Variants in TPRG1 observed in about 807,000 individuals in gnomAD.
TPRG1 encodes the protein tumor protein p63-regulated gene 1 protein.
In TPRG1, 29 loss-of-function variants were observed where a neutral mutation model predicts 29.3. That is an observed-to-expected ratio of 0.99 (90% confidence interval 0.74 to 1.35). TPRG1 has a LOEUF of 1.35. TPRG1 is among the 40% of genes most tolerant of loss of function. The probability of loss-of-function intolerance (pLI) is 0.00; values close to 1 mark genes in which losing one functional copy is unlikely to be tolerated. For missense variants in TPRG1, 327 were observed against 335.0 expected (o/e 0.98, Z 0.19); for synonymous variants, 130 against 116.8 (o/e 1.11, Z -0.73).
At chr3:189,006,461 A>G (rs989776809) in intron 3 of TPRG1, among the ~76,000 whole-genome samples, 3 of 152,170 alleles carry the variant, frequency 2.0e-5, no homozygotes, top group African/African-American at 7.2e-5. Flanking sequence ...CAGAACAGTA[A>G]TAAACATTTG....
intron 5 of TPRG1, among the ~76,000 whole-genome samples, chr3:189,155,033 C>G (rs1560495128): frequency 1.3e-5 from 2 of 152,148 alleles, no homozygotes; most frequent in South Asian, 2.1e-4. Context: ...GCAGAGCGAA[C>G]AGCAGGTGCA....
At chr3:189,281,821 C>A (rs1365486622) in intron 4 of TPRG1, among the ~76,000 whole-genome samples, 1 of 152,094 alleles carries the variant, frequency 6.6e-6, no homozygotes, top group Non-Finnish European at 1.5e-5. Context: ...TCTTTTACTC[C>A]AAGGTCTAAA....
chr3:189,213,817 TA>T (rs1395290488), intron 2 of TPRG1, among the ~76,000 whole-genome samples: 1 of 152,192 alleles, frequency 6.6e-6, no homozygotes, highest in Non-Finnish European at 1.5e-5. Flanking sequence ...TTTCATTTGA[TA>T]ATACCTTTAA....
chr3:189,270,193 GA>G (rs558585437), intron 4 of TPRG1, among the ~76,000 whole-genome samples: 233 of 135,496 alleles, frequency 1.7e-3, no homozygotes, highest in East Asian at 2.1e-3. Context: ...GCTGAAGAGA[GA>G]AAAAAAAAAA....
intron 3 of TPRG1, chr3:189,219,669 AC>A (rs1184573836): frequency 7.8e-7 from 1 of 1,283,496 alleles, no homozygotes; most frequent in East Asian, 5.6e-5. Flanking sequence ...AGCAGAATGT[AC>A]TTGAGGTGTC....
chr3:189,251,581 T>C (rs1742269747), intron 4 of TPRG1, among the ~76,000 whole-genome samples: 1 of 152,180 alleles, frequency 6.6e-6, no homozygotes, highest in Non-Finnish European at 1.5e-5. Context: ...GAGGGGGATG[T>C]GGCAGGATCA....
chr3:189,207,453 C>G lies in TPRG1; in HGVS notation c.69C>G (p.Pro23=), dbSNP rs1328250091. 2 of 1,613,990 alleles carry G rather than the reference C, an allele frequency of 1.2e-6. No homozygotes were observed. Among genetic ancestry groups the G allele is most frequent in the Non-Finnish European group, 1.7e-6 (2 of 1,179,972 alleles). ...VSLKQEGDDQ[P]SETDHLSMEE... ...TGAAGCAAGAGGGAGATGACCAACC[C>G]TCTGAGACTGACCACCTATCGATGG... The change falls in exon 2 of 6, where the codon CCC becomes CCG. Residue 23 remains proline (P), a synonymous_variant. Coordinates refer to ENST00000345063, the MANE Select transcript of TPRG1 (RefSeq NM_198485.4).
At chr3:189,196,243 A>G (rs1426774691) in intron 1 of TPRG1, among the ~76,000 whole-genome samples, 5 of 152,332 alleles carry the variant, frequency 3.3e-5, no homozygotes, top group African/African-American at 1.2e-4. Flanking sequence ...AATGTTTGGC[A>G]GCCCTGTTGG....
intron 4 of TPRG1, among the ~76,000 whole-genome samples, chr3:189,276,044 A>T (rs886559926): frequency 2.6e-5 from 4 of 152,160 alleles, no homozygotes; most frequent in Non-Finnish European, 5.9e-5. Flanking sequence ...GGCTTTCTAG[A>T]TGCAAAAAAA....
At chr3:189,246,835 A>G (rs1240163967) in intron 4 of TPRG1, among the ~76,000 whole-genome samples, 1 of 152,132 alleles carries the variant, frequency 6.6e-6, no homozygotes, top group Non-Finnish European at 1.5e-5. Context: ...CTTGGCTTCC[A>G]TCTCTGATGA....
intron 3 of TPRG1, among the ~76,000 whole-genome samples, chr3:189,222,185 CAA>C: frequency 6.6e-6 from 1 of 152,132 alleles, no homozygotes; most frequent in East Asian, 1.9e-4. Context: ...CCAGGAACAA[CAA>C]AAAAGTCAAA....
intron 3 of TPRG1, among the ~76,000 whole-genome samples, chr3:189,234,256 C>T (rs183060837): frequency 2.0e-5 from 3 of 152,222 alleles, no homozygotes; most frequent in Admixed American, 2.0e-4. Flanking sequence ...ATGGAATAGA[C>T]AGCATTTAAG....
chr3:189,044,917 T>G (rs1714876242), intron 4 of TPRG1, among the ~76,000 whole-genome samples: 1 of 152,206 alleles, frequency 6.6e-6, no homozygotes, highest in African/African-American at 2.4e-5. Flanking sequence ...CATTAGATTT[T>G]ATGTCGAAGT....
chr3:189,006,981 C>T (rs1712323905), intron 3 of TPRG1, among the ~76,000 whole-genome samples: 1 of 152,090 alleles, frequency 6.6e-6, no homozygotes, highest in South Asian at 2.1e-4. Flanking sequence ...AGGACATAGG[C>T]ATGGGCAAGG....
At chr3:189,236,957 T>A (rs1474959148) in intron 3 of TPRG1, among the ~76,000 whole-genome samples, 2 of 152,208 alleles carry the variant, frequency 1.3e-5, no homozygotes, top group Non-Finnish European at 2.9e-5. Flanking sequence ...TAGTAACAGC[T>A]AACTTATAAA....
intron 4 of TPRG1, among the ~76,000 whole-genome samples, chr3:189,273,852 G>A (rs1715643636): frequency 6.6e-6 from 1 of 152,126 alleles, no homozygotes; most frequent in Non-Finnish European, 1.5e-5. Flanking sequence ...ATCATTAAAT[G>A]AAAAGCATGC....
intron 4 of TPRG1, among the ~76,000 whole-genome samples, chr3:189,240,910 T>A (rs1179635382): frequency 1.3e-5 from 2 of 152,238 alleles, no homozygotes; most frequent in Non-Finnish European, 2.9e-5. Flanking sequence ...GTGATATAAC[T>A]TGGAGGTTTA....
intron 4 of TPRG1, among the ~76,000 whole-genome samples, chr3:189,275,582 T>C (rs559957666): frequency 9.2e-5 from 14 of 152,246 alleles, no homozygotes; most frequent in Non-Finnish European, 1.9e-4. Context: ...TAAAGCCATA[T>C]GGTCAGGAAA....
At chr3:189,057,763 T>C (rs184301923) in intron 4 of TPRG1, among the ~76,000 whole-genome samples, 261 of 145,612 alleles carry the variant, frequency 1.8e-3, no homozygotes, top group East Asian at 3.0e-3. Flanking sequence ...TATATATATA[T>C]ACACACACAT....
Sources: gnomAD v4.1 joint callset for allele counts (sites outside exome capture counted in the v4.1 genomes callset) on GRCh38, gnomAD v4.1.1 for gene constraint, MANE v1.5 for transcripts, NCBI Gene and HGNC (gene_info 2026-07-23, HGNC 2026-07-21) for gene names.